CDK5RAP3: variants seen among roughly 807,000 people sequenced by gnomAD.
The protein encoded by CDK5RAP3 is CDK5 regulatory subunit associated protein 3, also known as CDK5 regulatory subunit-associated protein 3.
A neutral mutation model predicts 73.3 loss-of-function variants in CDK5RAP3; 58 were observed. The ratio of observed to expected loss-of-function variants is 0.79; its 90% CI spans 0.64 to 0.98. The LOEUF is 0.98. CDK5RAP3 is among the 50% of genes least tolerant of loss of function. The pLI is 0.00. For synonymous variants in CDK5RAP3, 224 were observed against 247.5 expected, an observed-to-expected ratio of 0.91 and a Z score of 0.89; for missense variants, 525 against 615.8, an observed-to-expected ratio of 0.85 and a Z score of 1.56.
chr17:47,970,107 T>C (rs1376843935), upstream of CDK5RAP3, among the ~76,000 whole-genome samples: 1 of 152,150 alleles, frequency 6.6e-6, no homozygotes, highest in African/African-American at 2.4e-5. Context: ...CCCAGTCTTA[T>C]CTCCCATGCA....
At position 47,975,536 on chromosome 17, in the gene CDK5RAP3, TGCTG is replaced by T. The variant is rs752683425; in HGVS notation, c.539_542del (p.Leu180ProfsTer3). ...TAGGGCGAAAATGTCCGAGGAGAACTGCTGGCCCTGGTGAAGGACCTGCCGAGTC... is the reference window on the plus strand; with the variant it reads ...TAGGGCGAAAATGTCCGAGGAGAACTGCCCTGGTGAAGGACCTGCCGAGTC... On this transcript the variant is annotated frameshift_variant, in exon 7 of 14. Transcript: ENST00000338399. LOFTEE classifies it high-confidence loss of function. 1.1e-4 allele frequency: 181 copies of T among 1,611,448 alleles called. No individual in the cohort carries two copies. The highest frequency in any genetic ancestry group is 1.5e-4 in the Non-Finnish European group (174 of 1,180,028).
At chr17:47,981,401 A>C in intron 13 of CDK5RAP3, 36 bp from the exon 14 acceptor site, 2 of 1,614,158 alleles carry the variant, frequency 1.2e-6, no homozygotes, top group African/African-American at 2.7e-5. Flanking sequence ...GGCCCTGAGC[A>C]CCCCTGCTTC....
At chr17:47,980,412 G>A in intron 11 of CDK5RAP3, 181 bp from the exon 12 acceptor site, 2 of 646,752 alleles carry the variant, frequency 3.1e-6, no homozygotes, top group Non-Finnish European at 5.6e-6. Flanking sequence ...GGGACTACAG[G>A]CATACACCAC....
intron 2 of CDK5RAP3, 85 bp downstream of exon 2, chr17:47,971,492 C>G (rs2525085): frequency 0.72 from 946,852 of 1,306,620 alleles, 344,339 homozygotes; most frequent in East Asian, 0.78. Flanking sequence ...GAGCTCTGAC[C>G]CCTGAAAGCC....
chr17:47,974,621 G>A (rs1399321585), intron 5 of CDK5RAP3, 173 bp downstream of exon 5: 2 of 1,434,414 alleles, frequency 1.4e-6, no homozygotes, highest in African/African-American at 1.4e-5. Flanking sequence ...GATTTTCCCT[G>A]AGTGGAGTGC....
chr17:47,969,214 C>CA (rs2036217615), upstream of CDK5RAP3, among the ~76,000 whole-genome samples: 1 of 151,928 alleles, frequency 6.6e-6, no homozygotes, highest in Admixed American at 6.6e-5. Context: ...TACTAAGCCT[C>CA]AAGTGTTGTG....
intron 2 of CDK5RAP3, among the ~76,000 whole-genome samples, chr17:47,972,934 C>T (rs1567722691): frequency 6.6e-6 from 1 of 152,188 alleles, no homozygotes; most frequent in Admixed American, 6.5e-5. Context: ...AGGAAATATG[C>T]ATGGCTCTGA....
chr17:47,977,222 C>T (rs533711266), intron 9 of CDK5RAP3, among the ~76,000 whole-genome samples: 1 of 152,190 alleles, frequency 6.6e-6, no homozygotes, highest in Non-Finnish European at 1.5e-5. Context: ...CATCTTGGCT[C>T]ACTGCAACCT....
In CDK5RAP3 at chr17:47,976,144, G is replaced by A. The variant is rs2036407773; in HGVS notation, c.798+131G>A. ...TCTGTGAGAGTGACTGTAGGTAGAA[G>A]GGCCCAGGAGGCCCTACTCCTTTAT... is the stretch of plus-strand genomic sequence containing the variant. On this transcript the variant is annotated intron_variant, in intron 8 of 13. Transcript: ENST00000338399. 6 of 1,152,990 alleles carry A rather than the reference G, an allele frequency of 5.2e-6. No individual in the cohort carries two copies. In the South Asian group the frequency reaches 9.5e-5, roughly 18 times the overall value. 71.4% of individuals were successfully genotyped at this position (1,152,990 alleles called of 1,614,324 possible).
intron 2 of CDK5RAP3, among the ~76,000 whole-genome samples, chr17:47,972,316 G>C (rs978988644): frequency 2.6e-5 from 4 of 152,158 alleles, no homozygotes; most frequent in Non-Finnish European, 1.5e-5. Context: ...TGGATTCATG[G>C]ATTTGATGCC....
Position 47,981,173 on chromosome 17 carries a change from C to G in CDK5RAP3, c.1294C>G (p.Arg432Gly). ...GAGTGCCCCGCACAGGTATGTGGAC[C>G]GAGTGACTGAATTCCTCCAGCAAAA... ...MILASPRYVD[R>G]VTEFLQQKLK... Residue 432 changes from arginine to glycine, a missense_variant, in exon 13 of 14, where the codon CGA (arginine) becomes GGA (glycine). Transcript: ENST00000338399. 6.2e-7 allele frequency: 1 copy of G among 1,613,990 alleles called. No homozygotes were observed. Among genetic ancestry groups the G allele is most frequent in the Non-Finnish European group, 8.5e-7 (1 of 1,179,906 alleles).
intron 8 of CDK5RAP3, 32 bp downstream of exon 8, chr17:47,976,045 TGGAGTG>T: frequency 6.2e-7 from 1 of 1,604,924 alleles, no homozygotes; most frequent in East Asian, 2.2e-5. Flanking sequence ...GCTGTAGGAG[TGGAGTG>T]GGAGCTGCTT....
intron 7 of CDK5RAP3, 84 bp from the exon 8 acceptor site, chr17:47,975,785 C>T: frequency 1.3e-6 from 2 of 1,599,900 alleles, no homozygotes; most frequent in Non-Finnish European, 1.7e-6. Flanking sequence ...GGGCCTTGCC[C>T]ATTTGACCAT....
At chr17:47,970,222 C>T (rs1383834208), upstream of CDK5RAP3, among the ~76,000 whole-genome samples, 2 of 152,200 alleles carry the variant, frequency 1.3e-5, no homozygotes, top group Non-Finnish European at 2.9e-5. Flanking sequence ...AATAAGTCTC[C>T]CTTTGATATG....
At chr17:47,968,645 G>C (rs1379207399), upstream of CDK5RAP3, among the ~76,000 whole-genome samples, 4 of 152,346 alleles carry the variant, frequency 2.6e-5, no homozygotes, top group African/African-American at 4.8e-5. Flanking sequence ...AGCTTCCTGA[G>C]TAGCTGGGAT....
At chr17:47,980,295 G>T in intron 11 of CDK5RAP3, 1 of 276,354 alleles carries the variant, frequency 3.6e-6, no homozygotes, top group South Asian at 5.9e-5. Flanking sequence ...TTTTTAAAAA[G>T]AGTTTCTCTG....
At chr17:47,979,728 T>C (rs2036509054) in intron 11 of CDK5RAP3, 2 of 152,298 alleles carry the variant, frequency 1.3e-5, no homozygotes, top group Admixed American at 6.5e-5. Flanking sequence ...TCTTTGTTAA[T>C]CTCTGTATCT....
In CDK5RAP3 at chr17:47,979,117, T is replaced by G. The variant is rs2036494539; in HGVS notation, c.1077+200T>G. On this transcript the variant is annotated intron_variant, in intron 11 of 13. Coordinates refer to ENST00000338399, the MANE Select transcript of CDK5RAP3 (RefSeq NM_176096.3). ...TACCTCCTAGGCACCTGGCACTACCTTAGGCACCAGAACTTGGGTGGTGAA... is the reference window on the plus strand; with the variant it reads ...TACCTCCTAGGCACCTGGCACTACCGTAGGCACCAGAACTTGGGTGGTGAA... 3 of 563,120 alleles carry G rather than the reference T, an allele frequency of 5.3e-6. No homozygotes were observed. In the South Asian group the frequency reaches 6.7e-5, roughly 13 times the overall value. The allele number at this position is 563,120 out of a possible 1,614,324, so 34.9% of individuals were successfully genotyped here. A position where few individuals can be genotyped will look rare whatever the true frequency, so the allele number is the denominator to read the frequency against.
At chr17:47,980,978 G>A (rs989436285) in intron 12 of CDK5RAP3, 180 bp downstream of exon 12, 5 of 846,552 alleles carry the variant, frequency 5.9e-6, no homozygotes, top group Admixed American at 2.7e-5. Context: ...GGAAGAATCT[G>A]CTTGCTTCCT....
Sources: allele counts gnomAD v4.1 joint callset (sites outside exome capture counted in the v4.1 genomes callset), GRCh38; gene constraint gnomAD v4.1.1; transcripts MANE v1.5; gene names NCBI Gene and HGNC (gene_info 2026-07-23, HGNC 2026-07-21).